SMOC2: variants seen among roughly 807,000 people sequenced by gnomAD.
SMOC2 encodes the protein SPARC related modular calcium binding 2.
SMOC2 carries 39 observed loss-of-function variants against 61.4 expected under a neutral mutation model. That is an observed-to-expected ratio of 0.64 (90% CI 0.49 to 0.83). SMOC2 has a LOEUF of 0.83. Ranked by LOEUF, SMOC2 falls within the 40% of genes least tolerant of loss-of-function variation. The pLI, the probability that SMOC2 is intolerant of heterozygous loss-of-function variation, is 0.00. For missense variants in SMOC2, 556 were observed against 592.9 expected (o/e 0.94, Z 0.65); for synonymous variants, 247 against 239.9 (o/e 1.03, Z -0.27).
intron 7 of SMOC2, among the ~76,000 whole-genome samples, chr6:168,570,726 G>A (rs1311018034): frequency 6.6e-6 from 1 of 152,150 alleles, no homozygotes; most frequent in East Asian, 1.9e-4. Context: ...AAAACTTGAG[G>A]AAAGGGAAGA....
intron 1 of SMOC2, among the ~76,000 whole-genome samples, chr6:168,488,284 T>C (rs1049623598): frequency 1.3e-5 from 2 of 152,226 alleles, no homozygotes; most frequent in Non-Finnish European, 2.9e-5. Context: ...CTTCCCCCCA[T>C]GTCTTCACAT....
At chr6:168,548,557 G>C (rs1784061092) in intron 6 of SMOC2, among the ~76,000 whole-genome samples, 1 of 151,334 alleles carries the variant, frequency 6.6e-6, no homozygotes, top group Non-Finnish European at 1.5e-5. Flanking sequence ...GTAGAGACAG[G>C]GTTTCACCAT....
chr6:168,647,773 T>C (rs1261413438), intron 9 of SMOC2, among the ~76,000 whole-genome samples: 1 of 152,222 alleles, frequency 6.6e-6, no homozygotes, highest in Non-Finnish European at 1.5e-5. Context: ...TAATCTTTCA[T>C]TTTTGTTCGC....
At chr6:168,565,412 C>G (rs903245868) in intron 7 of SMOC2, among the ~76,000 whole-genome samples, 1 of 152,110 alleles carries the variant, frequency 6.6e-6, no homozygotes, top group Admixed American at 6.5e-5. Context: ...GGTGTTCCCT[C>G]TGTGTTCTTC....
At chr6:168,442,492 C>A (rs1781237612) in intron 1 of SMOC2, among the ~76,000 whole-genome samples, 1 of 152,254 alleles carries the variant, frequency 6.6e-6, no homozygotes, top group African/African-American at 2.4e-5. Context: ...TTAATGCAAT[C>A]GCCAGAAACG....
At chr6:168,548,764 A>G (rs1784065150) in intron 6 of SMOC2, among the ~76,000 whole-genome samples, 1 of 152,210 alleles carries the variant, frequency 6.6e-6, no homozygotes, top group Non-Finnish European at 1.5e-5. Flanking sequence ...TTTATAATGA[A>G]TCTTTCAACT....
At chr6:168,621,812 G>T (rs1271864923) in intron 9 of SMOC2, among the ~76,000 whole-genome samples, 3 of 152,156 alleles carry the variant, frequency 2.0e-5, no homozygotes, top group African/African-American at 7.2e-5. Flanking sequence ...CCTTTGACAT[G>T]TGTAGATTAT....
intron 1 of SMOC2, among the ~76,000 whole-genome samples, chr6:168,464,254 G>C (rs556603917): frequency 6.6e-6 from 1 of 151,394 alleles, no homozygotes; most frequent in East Asian, 1.9e-4. Flanking sequence ...AAGAAAGGAA[G>C]GAAGGACGGA....
chr6:168,442,307 C>T (rs903016056), intron 1 of SMOC2, among the ~76,000 whole-genome samples: 1 of 152,232 alleles, frequency 6.6e-6, no homozygotes, highest in African/African-American at 2.4e-5. Flanking sequence ...AACTTCTATG[C>T]GACAGCCTTG....
At position 168,453,952 on chromosome 6, in the gene SMOC2, A is replaced by T. The variant is rs1262246479; in HGVS notation, c.84+12498A>T. 2.7e-5 allele frequency among the ~76,000 whole-genome samples: 4 copies of T among 149,464 alleles called. No individual in the cohort carries two copies. The highest frequency in any genetic ancestry group is 5.9e-5 in the Non-Finnish European group (4 of 67,472). ...TCTGATTCTATCTTTGGTCTCTGCC[A>T]TTCTCCCTCTCTGTTTTGTCTATCT... On this transcript the variant is annotated intron_variant, in intron 1 of 12. Transcript: ENST00000356284. This position sits in a 1 kb window ranked among gnomAD's most constrained non-coding sequence, Gnocchi z 4.4.
At chr6:168,548,821 A>G (rs1784066255) in intron 6 of SMOC2, among the ~76,000 whole-genome samples, 1 of 152,246 alleles carries the variant, frequency 6.6e-6, no homozygotes, top group Non-Finnish European at 1.5e-5. Flanking sequence ...TAACTACACA[A>G]GAATATATTT....
chr6:168,480,530 T>A (rs1004525870), intron 1 of SMOC2, among the ~76,000 whole-genome samples: 5 of 151,926 alleles, frequency 3.3e-5, no homozygotes, highest in African/African-American at 1.2e-4. Flanking sequence ...GAAGAAAGGA[T>A]CAGCAAACTT....
chr6:168,599,010 T>C lies in SMOC2; in HGVS notation c.824+6T>C. The stretch of plus-strand genomic sequence containing the variant: ...ATTCCCGGCACATCCACAAGGTAAA[T>C]AGGGTGCACCCACCCCCCCCGGGAC... On this transcript the variant is annotated splice_donor_region_variant and intron_variant, in intron 8 of 12. Coordinates refer to ENST00000356284, the MANE Select transcript of SMOC2 (RefSeq NM_001166412.2). The C allele has an allele frequency of 1.3e-6, 2 of 1,585,030 alleles. No individual in the cohort carries two copies. The highest frequency in any genetic ancestry group is 8.6e-7 in the Non-Finnish European group (1 of 1,165,056).
chr6:168,524,591 C>T (rs780671342), intron 2 of SMOC2, among the ~76,000 whole-genome samples: 3 of 152,194 alleles, frequency 2.0e-5, no homozygotes, highest in African/African-American at 7.2e-5. Flanking sequence ...GTGGAGACCT[C>T]GCAAGCTGGA....
At chr6:168,624,205 TG>T (rs1786324521) in intron 9 of SMOC2, among the ~76,000 whole-genome samples, 1 of 152,200 alleles carries the variant, frequency 6.6e-6, no homozygotes, top group African/African-American at 2.4e-5. Context: ...CTCATGACAG[TG>T]CTGTGAGGAA....
chr6:168,644,365 C>T (rs1245377135), intron 9 of SMOC2, among the ~76,000 whole-genome samples: 3 of 152,118 alleles, frequency 2.0e-5, no homozygotes, highest in Non-Finnish European at 4.4e-5. Flanking sequence ...GAATGAGTAG[C>T]CATGACATTT....
chr6:168,445,029 G>A (rs146116650), intron 1 of SMOC2, among the ~76,000 whole-genome samples: 436 of 152,164 alleles, frequency 2.9e-3, no homozygotes, highest in African/African-American at 0.01. Flanking sequence ...AATACCTAAC[G>A]CTCCCCTAAG....
At chr6:168,596,448 C>G (rs1162297075) in intron 7 of SMOC2, among the ~76,000 whole-genome samples, 1 of 146,490 alleles carries the variant, frequency 6.8e-6, no homozygotes. Context: ...GGGGCATGAG[C>G]AAGCGCCACG....
In SMOC2 at chr6:168,463,350, G is replaced by A. The variant is rs138475821; in HGVS notation, c.84+21896G>A. Among the ~76,000 whole-genome samples, 66 of 152,304 alleles carry A rather than the reference G, an allele frequency of 4.3e-4. 1 individual carries two copies. The highest frequency in any genetic ancestry group is 3.4e-3 in the Middle Eastern group (1 of 294). On this transcript the variant is annotated intron_variant, in intron 1 of 12. Transcript: ENST00000356284. ...TAGAAAGCTATCCTGAAGCAGTGTC[G>A]GGAGCTGAGCTGGCACCCGTTGCTG...
Sources: gnomAD v4.1 joint callset for allele counts (sites outside exome capture counted in the v4.1 genomes callset) on GRCh38, gnomAD v4.1.1 for gene constraint, Gnocchi (gnomAD v3.1) non-coding constraint, MANE v1.5 for transcripts, NCBI Gene and HGNC (gene_info 2026-07-23, HGNC 2026-07-21) for gene names.